TAF2: variants seen among roughly 807,000 people sequenced by gnomAD.
TAF2 encodes the protein transcription initiation factor TFIID subunit 2.
A neutral mutation model predicts 138.5 loss-of-function variants in TAF2; 61 were observed. The ratio of observed to expected loss-of-function variants is 0.44; its 90% CI spans 0.36 to 0.54. The LOEUF (loss-of-function observed/expected upper bound fraction) is 0.54, where lower values mean the gene tolerates loss of function less well. TAF2 is among the 20% of genes least tolerant of loss of function. The probability of loss-of-function intolerance (pLI) is 0.00; values close to 1 mark genes in which losing one functional copy is unlikely to be tolerated. For missense variants in TAF2, 1,090 were observed against 1,427.9 expected, an observed-to-expected ratio of 0.76 and a Z score of 3.81; for synonymous variants, 475 against 469.9, an observed-to-expected ratio of 1.01 and a Z score of -0.14.
At chr8:119,818,897 T>G (rs1000454000) in intron 3 of TAF2, among the ~76,000 whole-genome samples, 2 of 152,176 alleles carry the variant, frequency 1.3e-5, no homozygotes, top group Admixed American at 6.5e-5. Flanking sequence ...AACGAGCTAC[T>G]TTAGACCTAA....
At chr8:119,772,272 T>A (rs193211410) in intron 18 of TAF2, among the ~76,000 whole-genome samples, 2 of 152,246 alleles carry the variant, frequency 1.3e-5, no homozygotes, top group Admixed American at 6.5e-5. Context: ...GAAAATGTAG[T>A]CACAAAAAAG....
intron 3 of TAF2, among the ~76,000 whole-genome samples, chr8:119,811,535 G>A (rs531769749): frequency 9.3e-4 from 141 of 152,194 alleles, no homozygotes; most frequent in African/African-American, 2.8e-3. Context: ...GGCCGGGCAC[G>A]GTGGCTCACG....
chr8:119,774,571 T>C (rs942317028), intron 18 of TAF2, among the ~76,000 whole-genome samples: 1 of 151,758 alleles, frequency 6.6e-6, no homozygotes, highest in Non-Finnish European at 1.5e-5. Flanking sequence ...CCTCTTCCAA[T>C]GTGGACCAGG....
At chr8:119,816,295 G>C (rs1336984372) in intron 3 of TAF2, among the ~76,000 whole-genome samples, 1 of 151,550 alleles carries the variant, frequency 6.6e-6, no homozygotes, top group Non-Finnish European at 1.5e-5. Context: ...CTGACCTCAT[G>C]ATCTGCCCGC....
At chr8:119,759,699 T>C (rs1820931747) in intron 20 of TAF2, among the ~76,000 whole-genome samples, 1 of 152,198 alleles carries the variant, frequency 6.6e-6, no homozygotes, top group Non-Finnish European at 1.5e-5. Context: ...TGAGTTATTA[T>C]TTTGACTCAC....
rs112527778 is a variant in TAF2, at chr8:119,801,435, C to CT, written c.792+358dup. ...AAGACAATATTTCATTAATATCTAC[C>CT]TTTTTTTTTTTTTTTTGAGATGTCG... On this transcript the variant is annotated intron_variant, in intron 6 of 25. Coordinates refer to ENST00000378164, the MANE Select transcript of TAF2 (RefSeq NM_003184.4). 9.7e-3 allele frequency among the ~76,000 whole-genome samples: 1,348 copies of CT among 139,672 alleles called. 16 individuals are homozygous for CT. Among genetic ancestry groups the CT allele is most frequent in the African/African-American group, 0.031 (1,183 of 38,238 alleles). The allele number at this position is 139,672 out of a possible 152,430, so 91.6% of individuals were successfully genotyped here.
At chr8:119,807,009 A>C (rs1824706867) in intron 3 of TAF2, among the ~76,000 whole-genome samples, 1 of 152,214 alleles carries the variant, frequency 6.6e-6, no homozygotes, top group Admixed American at 6.5e-5. Context: ...TTTTTGATAC[A>C]AATGTAAAGA....
chr8:119,805,773 C>G (rs1299476170), intron 4 of TAF2, among the ~76,000 whole-genome samples: 1 of 151,960 alleles, frequency 6.6e-6, no homozygotes, highest in African/African-American at 2.4e-5. Flanking sequence ...GCTTTTTTCA[C>G]AGCCCTGAAA....
chr8:119,816,424 A>C (rs1825481780), intron 3 of TAF2, among the ~76,000 whole-genome samples: 1 of 152,202 alleles, frequency 6.6e-6, no homozygotes, highest in African/African-American at 2.4e-5. Flanking sequence ...AAATAATAAG[A>C]AAATGTGATT....
intron 25 of TAF2, among the ~76,000 whole-genome samples, chr8:119,732,492 C>T (rs1818945045): frequency 6.6e-6 from 1 of 152,062 alleles, no homozygotes; most frequent in African/African-American, 2.4e-5. Context: ...CAATATTACA[C>T]ACGGTGTTAT....
In TAF2 at chr8:119,760,591, A is replaced by T. The variant is rs758347022; in HGVS notation, c.2698+8T>A. 1 of 1,612,364 alleles carries T rather than the reference A, an allele frequency of 6.2e-7. No individual in the cohort carries two copies. Among genetic ancestry groups the T allele is most frequent in the East Asian group, 2.2e-5 (1 of 44,842 alleles). Reference sequence around the variant, plus strand: ...AAATGATATGAGCACGTATTTCTAAAGTATTACCTTTAGTATAATCAACAA... The same window carrying T: ...AAATGATATGAGCACGTATTTCTAATGTATTACCTTTAGTATAATCAACAA... On this transcript the variant is annotated splice_region_variant and intron_variant, in intron 20 of 25. Coordinates refer to ENST00000378164, the MANE Select transcript of TAF2 (RefSeq NM_003184.4).
intron 25 of TAF2, among the ~76,000 whole-genome samples, chr8:119,736,414 C>T (rs569874397): frequency 1.3e-5 from 2 of 152,198 alleles, no homozygotes; most frequent in Admixed American, 6.5e-5. Context: ...GGTCTAACTG[C>T]AAGGAAGTTA....
chr8:119,743,449 C>T (rs546588818), intron 24 of TAF2, among the ~76,000 whole-genome samples: 34 of 151,776 alleles, frequency 2.2e-4, no homozygotes, highest in South Asian at 4.2e-4. Context: ...AAAGCATATA[C>T]GAAACATCTG....
intron 2 of TAF2, among the ~76,000 whole-genome samples, chr8:119,825,143 C>T (rs1204096789): frequency 6.6e-6 from 1 of 152,212 alleles, no homozygotes; most frequent in Non-Finnish European, 1.5e-5. Context: ...GCAGAGCTGC[C>T]CAAAACTATG....
chr8:119,801,530 G>A lies in TAF2; in HGVS notation c.792+264C>T, dbSNP rs181034096. The stretch of plus-strand genomic sequence containing the variant: ...TGCAAGCTCTGCCTCCTGGGTTCAA[G>A]CCATTCTCCTGCCTCAGCCTCCCGA... On this transcript the variant is annotated intron_variant, in intron 6 of 25. Transcript: ENST00000378164. Among the ~76,000 whole-genome samples, 1,132 of 151,386 alleles carry A rather than the reference G, an allele frequency of 7.5e-3. 15 individuals carry two copies. The highest frequency in any genetic ancestry group is 0.026 in the African/African-American group (1,072 of 41,176).
intron 18 of TAF2, among the ~76,000 whole-genome samples, chr8:119,772,675 G>A (rs894818857): frequency 5.9e-5 from 9 of 151,916 alleles, no homozygotes; most frequent in South Asian, 2.1e-4. Flanking sequence ...GGTGGCTCAC[G>A]CTTGTAATCC....
Position 119,793,373 on chromosome 8 carries a change from T to C in TAF2, c.1270A>G (p.Lys424Glu). The change falls in exon 10 of 26, where the codon AAG becomes GAG. Residue 424 changes from lysine (K) to glutamate (E), a missense_variant. Around this residue, in one of 3 missense-constraint regions of TAF2, gnomAD observed 504 missense variants for 680.9 expected, o/e 0.74. Coordinates refer to ENST00000378164, the MANE Select transcript of TAF2 (RefSeq NM_003184.4). Reference sequence around the variant, plus strand: ...TCTGAACAATAAACATACTTATCCTTCTCTTTTCCTCCACCAAATATGGGA... The same window carrying C: ...TCTGAACAATAAACATACTTATCCTCCTCTTTTCCTCCACCAAATATGGGA... ...LHPIFGGGKE[K>E]DNPASHLHFS... 1 of 1,612,026 alleles carries C rather than the reference T, an allele frequency of 6.2e-7. No individual in the cohort carries two copies. Among genetic ancestry groups the C allele is most frequent in the Non-Finnish European group, 8.5e-7 (1 of 1,178,496 alleles).
intron 10 of TAF2, among the ~76,000 whole-genome samples, chr8:119,792,034 G>T (rs1221519001): frequency 6.6e-6 from 1 of 151,884 alleles, no homozygotes; most frequent in African/African-American, 2.4e-5. Context: ...CGACATACAT[G>T]AACATTTAAT....
intron 14 of TAF2, among the ~76,000 whole-genome samples, chr8:119,787,297 T>C (rs748992224): frequency 2.6e-5 from 4 of 152,038 alleles, no homozygotes; most frequent in Non-Finnish European, 5.9e-5. Flanking sequence ...ATGGCACATA[T>C]ATACATATGT....
Sources: allele counts gnomAD v4.1 joint callset (sites outside exome capture counted in the v4.1 genomes callset), GRCh38; gene constraint gnomAD v4.1.1; regional missense constraint gnomAD v4.1.1; transcripts MANE v1.5; gene names NCBI Gene and HGNC (gene_info 2026-07-23, HGNC 2026-07-21).